The following TNR variants were observed in gnomAD, a reference collection of about 807,000 sequenced individuals.
The protein encoded by TNR is tenascin-R.
TNR carries 45 observed loss-of-function variants against 150.4 expected under a neutral mutation model. That is an observed-to-expected ratio of 0.30 (90% CI 0.24 to 0.38). The LOEUF is 0.38. Among genes scored for constraint, TNR ranks in the 10% least tolerant of loss-of-function variants. The pLI is 1.00. For synonymous variants in TNR, 687 were observed against 678.4 expected, an observed-to-expected ratio of 1.01 and a Z score of -0.20; for missense variants, 1,544 against 1,759.1, an observed-to-expected ratio of 0.88 and a Z score of 2.19.
chr1:175,656,555 C>G (rs1279341066), intron 1 of TNR: 1 of 152,374 alleles, frequency 6.6e-6, no homozygotes, highest in African/African-American at 2.4e-5. Context: ...ACTGGATGAG[C>G]TTGCAGCTGG....
chr1:175,545,327 T>C (rs1480223776), intron 1 of TNR, among the ~76,000 whole-genome samples: 1 of 152,230 alleles, frequency 6.6e-6, no homozygotes, highest in East Asian at 1.9e-4. Flanking sequence ...TGCTATGGAT[T>C]GAGGCATGAA....
chr1:175,340,576 C>T (rs1384055894), intron 18 of TNR, among the ~76,000 whole-genome samples: 1 of 152,154 alleles, frequency 6.6e-6, no homozygotes, highest in Non-Finnish European at 1.5e-5. Context: ...CAGACTGGGA[C>T]CTTATTAAAA....
At chr1:175,470,510 T>C (rs1657241961) in intron 2 of TNR, among the ~76,000 whole-genome samples, 1 of 152,170 alleles carries the variant, frequency 6.6e-6, no homozygotes, top group South Asian at 2.1e-4. Context: ...TTGTTTAATT[T>C]TTAACAATTT....
chr1:175,517,408 AC>A (rs1659459193), intron 2 of TNR, among the ~76,000 whole-genome samples: 1 of 152,128 alleles, frequency 6.6e-6, no homozygotes, highest in Non-Finnish European at 1.5e-5. Context: ...ATTTTTTTCT[AC>A]CCATATTCCA....
Position 175,459,432 on chromosome 1 carries a change from A to G in TNR, c.-63-52655T>C, listed in dbSNP as rs117830356. Among the ~76,000 whole-genome samples, 55 of 152,320 alleles carry G rather than the reference A, an allele frequency of 3.6e-4. 1 individual carries two copies. In the East Asian group the frequency reaches 8.5e-3, roughly 23 times the overall value. ...ATTTTAAGGCTCACACCAGTGCAAA[A>G]TGAGTAAGAGATTTATTTCTCCTGC... On this transcript the variant is annotated intron_variant, in intron 2 of 22. Transcript: ENST00000367674.
chr1:175,445,070 A>G (rs1011060609), intron 2 of TNR, among the ~76,000 whole-genome samples: 1 of 152,146 alleles, frequency 6.6e-6, no homozygotes, highest in Non-Finnish European at 1.5e-5. Context: ...GGAGATTGAG[A>G]CCATCCTAGC....
At chr1:175,543,365 A>G (rs1359877070) in intron 1 of TNR, among the ~76,000 whole-genome samples, 1 of 152,190 alleles carries the variant, frequency 6.6e-6, no homozygotes, top group Non-Finnish European at 1.5e-5. Flanking sequence ...CTGTGAAGCT[A>G]GCACTGTCAG....
intron 2 of TNR, among the ~76,000 whole-genome samples, chr1:175,434,706 C>T (rs975809187): frequency 1.3e-5 from 2 of 152,138 alleles, no homozygotes; most frequent in Admixed American, 6.5e-5. Context: ...CCCGGGAATA[C>T]GGTATGTGTG....
intron 11 of TNR, 87 bp downstream of exon 11, chr1:175,365,788 A>T: frequency 3.9e-6 from 6 of 1,525,892 alleles, no homozygotes; most frequent in African/African-American, 1.4e-5. Context: ...GAAATGGAAC[A>T]TTGGAAGAGT....
chr1:175,672,855 C>T (rs562881482), intron 1 of TNR, among the ~76,000 whole-genome samples: 5 of 152,318 alleles, frequency 3.3e-5, no homozygotes, highest in African/African-American at 1.2e-4. Context: ...TGCAATGCTG[C>T]TTCCTGCTAG....
At chr1:175,455,901 A>C (rs1250648146) in intron 2 of TNR, among the ~76,000 whole-genome samples, 1 of 152,190 alleles carries the variant, frequency 6.6e-6, no homozygotes, top group Non-Finnish European at 1.5e-5. Context: ...GAGGGACCAC[A>C]TAATTTGTCA....
At chr1:175,551,449 C>T (rs1011882146) in intron 1 of TNR, among the ~76,000 whole-genome samples, 3 of 152,150 alleles carry the variant, frequency 2.0e-5, no homozygotes, top group Non-Finnish European at 2.9e-5. Flanking sequence ...AGCACTGGGT[C>T]TGGAAATCAG....
intron 2 of TNR, among the ~76,000 whole-genome samples, chr1:175,507,514 T>G (rs1659007510): frequency 6.6e-6 from 1 of 152,104 alleles, no homozygotes; most frequent in Non-Finnish European, 1.5e-5. Context: ...TGATAGCCCT[T>G]GCTTTCTTGT....
intron 1 of TNR, among the ~76,000 whole-genome samples, chr1:175,703,917 C>A (rs912312677): frequency 1.3e-5 from 2 of 152,188 alleles, no homozygotes; most frequent in East Asian, 3.8e-4. Flanking sequence ...TTTAACTTCA[C>A]TAAGCCTGCA....
chr1:175,493,600 C>T (rs930382768), intron 2 of TNR, among the ~76,000 whole-genome samples: 1 of 152,258 alleles, frequency 6.6e-6, no homozygotes, highest in Non-Finnish European at 1.5e-5. Context: ...GCCAGGCCCC[C>T]TTCCGGACCC....
intron 1 of TNR, among the ~76,000 whole-genome samples, chr1:175,622,130 T>A (rs1663997061): frequency 6.6e-6 from 1 of 152,262 alleles, no homozygotes; most frequent in Admixed American, 6.5e-5. Flanking sequence ...TACATTTCTG[T>A]ATCTTACATA....
chr1:175,341,446 G>T (rs1650520220), intron 18 of TNR, among the ~76,000 whole-genome samples: 1 of 152,204 alleles, frequency 6.6e-6, no homozygotes, highest in Admixed American at 6.5e-5. Flanking sequence ...AGTGTTTCTA[G>T]ATGTAATTGT....
chr1:175,404,158 A>G (rs1653847874), intron 3 of TNR, among the ~76,000 whole-genome samples: 1 of 152,178 alleles, frequency 6.6e-6, no homozygotes, highest in African/African-American at 2.4e-5. Flanking sequence ...GGGCAGCCCA[A>G]GAAGTTTCCA....
chr1:175,679,810 C>T (rs1306418099), intron 1 of TNR, among the ~76,000 whole-genome samples: 4 of 152,114 alleles, frequency 2.6e-5, no homozygotes, highest in Admixed American at 1.3e-4. Context: ...GAAAGGAAGG[C>T]CTAGATTCTG....
Sources: allele counts gnomAD v4.1 joint callset (sites outside exome capture counted in the v4.1 genomes callset), GRCh38; gene constraint gnomAD v4.1.1; transcripts MANE v1.5; gene names NCBI Gene and HGNC (gene_info 2026-07-23, HGNC 2026-07-21).